The following CHN2 variants were observed in gnomAD, a reference collection of about 807,000 sequenced individuals.
CHN2 encodes chimerin 2.
Under a neutral mutation model 56.3 loss-of-function variants are expected in CHN2, and 35 were observed. The ratio of observed to expected loss-of-function variants is 0.62; its 90% CI spans 0.47 to 0.82. The LOEUF (loss-of-function observed/expected upper bound fraction) is 0.82, where lower values mean the gene tolerates loss of function less well. CHN2 is among the 40% of genes least tolerant of loss of function. The pLI is 0.00. For synonymous variants in CHN2, 210 were observed against 212.8 expected (o/e 0.99, Z 0.12); for missense variants, 491 against 580.5 (o/e 0.85, Z 1.58).
intron 1 of CHN2, among the ~76,000 whole-genome samples, chr7:29,344,012 A>C (rs1200928025): frequency 2.6e-5 from 4 of 152,136 alleles, no homozygotes; most frequent in African/African-American, 9.7e-5. Flanking sequence ...ACCCATCCAG[A>C]TGCTTAAGCC....
upstream of CHN2, chr7:29,193,526 T>C (rs1562819412): frequency 6.6e-6 from 1 of 152,246 alleles, no homozygotes; most frequent in Non-Finnish European, 1.5e-5. Flanking sequence ...GCTTTTTCCT[T>C]TGATCTAACA....
At chr7:29,301,120 T>G (rs569086181) in intron 1 of CHN2, among the ~76,000 whole-genome samples, 4 of 152,114 alleles carry the variant, frequency 2.6e-5, no homozygotes, top group Non-Finnish European at 5.9e-5. Context: ...AAACACAGAG[T>G]CCAGAAAGTC....
At chr7:29,373,951 C>T (rs1038834570) in intron 3 of CHN2, among the ~76,000 whole-genome samples, 4 of 152,076 alleles carry the variant, frequency 2.6e-5, no homozygotes, top group Non-Finnish European at 5.9e-5. Flanking sequence ...TTTGGGGGAA[C>T]GTGAAAACTC....
At chr7:29,188,824 C>T (rs1799032869) in intron 2 of CHN2, among the ~76,000 whole-genome samples, 1 of 152,072 alleles carries the variant, frequency 6.6e-6, no homozygotes, top group Non-Finnish European at 1.5e-5. Context: ...GCTATAATTC[C>T]CAAACAGAAA....
At chr7:29,238,489 A>T (rs1164532858) in intron 1 of CHN2, among the ~76,000 whole-genome samples, 3 of 152,218 alleles carry the variant, frequency 2.0e-5, no homozygotes, top group African/African-American at 7.2e-5. Context: ...TATTTAACAT[A>T]TATTGATCAT....
chr7:29,373,344 T>C (rs1562556089), intron 3 of CHN2, among the ~76,000 whole-genome samples: 1 of 149,260 alleles, frequency 6.7e-6, no homozygotes, highest in Non-Finnish European at 1.5e-5. Context: ...ACCTGGCTCA[T>C]TTTTTTTTTA....
intron 6 of CHN2, among the ~76,000 whole-genome samples, chr7:29,426,333 A>C (rs1179055160): frequency 1.3e-5 from 2 of 152,176 alleles, no homozygotes; most frequent in Non-Finnish European, 2.9e-5. Flanking sequence ...AATAATAAAC[A>C]ATTATGGACT....
intron 7 of CHN2, among the ~76,000 whole-genome samples, chr7:29,493,253 A>G (rs978222983): frequency 2.0e-5 from 3 of 152,148 alleles, no homozygotes; most frequent in Non-Finnish European, 4.4e-5. Flanking sequence ...AATAGGCTAT[A>G]CCATATACCC....
chr7:29,465,823 G>T (rs1181818738), intron 6 of CHN2, among the ~76,000 whole-genome samples: 1 of 152,198 alleles, frequency 6.6e-6, no homozygotes, highest in Admixed American at 6.5e-5. Context: ...ATGGAGCCAT[G>T]TTATTATAAG....
At chr7:29,427,431 G>A (rs908440864) in intron 6 of CHN2, among the ~76,000 whole-genome samples, 2 of 152,208 alleles carry the variant, frequency 1.3e-5, no homozygotes, top group South Asian at 4.2e-4. Context: ...CATGTAACAT[G>A]ATGTCACATG....
rs574689130 is a variant in CHN2 at position 29,425,058 on chromosome 7, A to G, written c.576+24230A>G. Among the ~76,000 whole-genome samples the G allele has an allele frequency of 5.2e-4, 79 of 152,306 alleles. 2 individuals are homozygous for G. The highest frequency in any genetic ancestry group is 3.4e-3 in the Middle Eastern group (1 of 294). Reference sequence around the variant, plus strand: ...GGTGACTCACACACTGTTGATTGTGATGTGGACTGTTTCACACCCTTAACA... The same window carrying G: ...GGTGACTCACACACTGTTGATTGTGGTGTGGACTGTTTCACACCCTTAACA... On this transcript the variant is annotated intron_variant, in intron 6 of 12. Transcript: ENST00000222792.
At chr7:29,480,062 C>T (rs1395746508) in intron 6 of CHN2, 3 of 1,545,522 alleles carry the variant, frequency 1.9e-6, no homozygotes, top group Non-Finnish European at 2.6e-6. Flanking sequence ...CAGCACAGGG[C>T]TTCCTGGGCT....
chr7:29,446,711 G>A (rs1401076502), intron 6 of CHN2, among the ~76,000 whole-genome samples: 1 of 152,228 alleles, frequency 6.6e-6, no homozygotes, highest in Non-Finnish European at 1.5e-5. Flanking sequence ...AGATATCAGT[G>A]CAGCAAATTC....
intron 7 of CHN2, among the ~76,000 whole-genome samples, chr7:29,493,860 C>G (rs1788929784): frequency 6.6e-6 from 1 of 152,200 alleles, no homozygotes; most frequent in Non-Finnish European, 1.5e-5. Context: ...ACACAGTTGT[C>G]AGAATAATCT....
At chr7:29,345,717 A>C (rs901827535) in intron 1 of CHN2, among the ~76,000 whole-genome samples, 3 of 152,118 alleles carry the variant, frequency 2.0e-5, no homozygotes, top group African/African-American at 7.2e-5. Flanking sequence ...TTATCCAATA[A>C]GTACCTGTTG....
chr7:29,198,094 A>G (rs1783887530), intron 1 of CHN2: 1 of 454,612 alleles, frequency 2.2e-6, no homozygotes, highest in Non-Finnish European at 4.4e-6. Flanking sequence ...CTGCTGATGT[A>G]GGAGGTTTTC....
chr7:29,504,067 A>G (rs1202890158), intron 9 of CHN2, among the ~76,000 whole-genome samples: 2 of 152,220 alleles, frequency 1.3e-5, no homozygotes, highest in Non-Finnish European at 2.9e-5. Context: ...CAGTTGTCTA[A>G]AAGTATAACA....
chr7:29,495,902 C>A (rs1789218078), intron 7 of CHN2, 50 bp from the exon 8 acceptor site: 2 of 1,528,758 alleles, frequency 1.3e-6, no homozygotes, highest in African/African-American at 2.7e-5. Context: ...GGCTACCTGC[C>A]TTTAAATGAC....
intron 1 of CHN2, among the ~76,000 whole-genome samples, chr7:29,224,655 T>C (rs1242751354): frequency 6.6e-6 from 1 of 152,216 alleles, no homozygotes; most frequent in Non-Finnish European, 1.5e-5. Context: ...TGAGGAACAA[T>C]TGAAATGGCC....
Sources: gnomAD v4.1 joint callset for allele counts (sites outside exome capture counted in the v4.1 genomes callset) on GRCh38, gnomAD v4.1.1 for gene constraint, MANE v1.5 for transcripts, NCBI Gene and HGNC (gene_info 2026-07-23, HGNC 2026-07-21) for gene names.